Variants in UST observed in about 807,000 individuals in gnomAD.
UST encodes chondroitin sulfate 2-O-sulfotransferase.
In UST, 21 loss-of-function variants were observed where a neutral mutation model predicts 45.6. That is an observed-to-expected ratio of 0.46 (90% confidence interval 0.33 to 0.66). UST has a LOEUF of 0.66. Among genes scored for constraint, UST ranks in the 30% least tolerant of loss-of-function variants. The pLI is 0.02. For missense variants in UST, 463 were observed against 512.4 expected (o/e 0.90, Z 0.93); for synonymous variants, 215 against 200.6 (o/e 1.07, Z -0.61).
chr6:149,045,897 C>A (rs887911481), intron 7 of UST, among the ~76,000 whole-genome samples: 1 of 152,116 alleles, frequency 6.6e-6, no homozygotes, highest in African/African-American at 2.4e-5. Flanking sequence ...TCAATTATAC[C>A]TTAAAAAAAG....
intron 4 of UST, among the ~76,000 whole-genome samples, chr6:148,960,779 T>A (rs916836981): frequency 2.0e-5 from 3 of 152,214 alleles, no homozygotes; most frequent in Non-Finnish European, 4.4e-5. Flanking sequence ...ATCACAGTAA[T>A]CTCTACTATA....
At chr6:148,989,910 C>G (rs1781315324) in intron 5 of UST, among the ~76,000 whole-genome samples, 1 of 152,182 alleles carries the variant, frequency 6.6e-6, no homozygotes, top group African/African-American at 2.4e-5. Flanking sequence ...CATCCCTCCC[C>G]ATTTGGAATT....
intron 5 of UST, among the ~76,000 whole-genome samples, chr6:148,986,735 C>T (rs1781244783): frequency 6.6e-6 from 1 of 152,214 alleles, no homozygotes; most frequent in South Asian, 2.1e-4. Flanking sequence ...CCTGAAACCA[C>T]CCTCCTCCTC....
At chr6:149,002,230 TA>T (rs1471532550) in intron 5 of UST, among the ~76,000 whole-genome samples, 2 of 151,844 alleles carry the variant, frequency 1.3e-5, no homozygotes, top group African/African-American at 4.8e-5. Flanking sequence ...GGGATATTAT[TA>T]AAAACTCTAT....
intron 5 of UST, among the ~76,000 whole-genome samples, chr6:148,994,793 A>C (rs1293336465): frequency 6.7e-6 from 1 of 150,324 alleles, no homozygotes; most frequent in African/African-American, 2.5e-5. Context: ...TGCCCTGCTC[A>C]CTGCAGTTTC....
chr6:148,916,922 C>T (rs1292205811), intron 2 of UST, among the ~76,000 whole-genome samples: 2 of 152,258 alleles, frequency 1.3e-5, no homozygotes, highest in African/African-American at 2.4e-5. Flanking sequence ...TCCTGCCTTG[C>T]TCATCACGTT....
intron 4 of UST, among the ~76,000 whole-genome samples, chr6:148,955,428 T>C (rs1780472235): frequency 6.6e-6 from 1 of 152,262 alleles, no homozygotes; most frequent in Non-Finnish European, 1.5e-5. Flanking sequence ...AAAGCAAGTG[T>C]TCCCTGAAGT....
chr6:149,035,688 G>A (rs893682150), intron 7 of UST, among the ~76,000 whole-genome samples: 2 of 151,972 alleles, frequency 1.3e-5, no homozygotes, highest in Non-Finnish European at 2.9e-5. Context: ...AGCCCCAGAG[G>A]CAGAGGTTGC....
At chr6:148,954,683 A>G (rs1453792933) in intron 4 of UST, among the ~76,000 whole-genome samples, 1 of 152,180 alleles carries the variant, frequency 6.6e-6, no homozygotes, top group Non-Finnish European at 1.5e-5. Context: ...CTAATGATGC[A>G]TTTCTCAGAA....
At chr6:148,890,707 C>T (rs1012745197) in intron 2 of UST, among the ~76,000 whole-genome samples, 4 of 152,184 alleles carry the variant, frequency 2.6e-5, no homozygotes, top group African/African-American at 9.7e-5. Flanking sequence ...ACAAAGCCCT[C>T]TGATTTTCAC....
chr6:148,950,262 C>T (rs1473562221), intron 3 of UST, among the ~76,000 whole-genome samples: 2 of 152,280 alleles, frequency 1.3e-5, no homozygotes, highest in East Asian at 1.9e-4. Flanking sequence ...TAACAAGTCT[C>T]GGGTGATGCT....
chr6:148,923,653 T>A (rs536682034), intron 2 of UST, among the ~76,000 whole-genome samples: 1 of 152,300 alleles, frequency 6.6e-6, no homozygotes, highest in African/African-American at 2.4e-5. Context: ...ATGCCTGTAA[T>A]CCCAGCACTT....
At chr6:148,985,256 TG>T (rs1216861814) in intron 5 of UST, among the ~76,000 whole-genome samples, 2 of 152,280 alleles carry the variant, frequency 1.3e-5, no homozygotes, top group East Asian at 3.9e-4. Flanking sequence ...AGATCATGTC[TG>T]GAACAATGTT....
chr6:149,043,900 T>G (rs1776361960), intron 7 of UST, among the ~76,000 whole-genome samples: 1 of 152,240 alleles, frequency 6.6e-6, no homozygotes, highest in African/African-American at 2.4e-5. Flanking sequence ...CAACTCAGAA[T>G]CAGTCCCAGT....
chr6:148,804,842 T>C (rs1777117114), intron 1 of UST, among the ~76,000 whole-genome samples: 1 of 149,886 alleles, frequency 6.7e-6, no homozygotes. Context: ...ATATATATAC[T>C]TCATTTTATG....
chr6:149,066,250 T>G (rs1191569924), intron 7 of UST: 1 of 152,176 alleles, frequency 6.6e-6, no homozygotes, highest in Non-Finnish European at 1.5e-5. Context: ...AGAAAGCAGG[T>G]TTTGGTGAGT....
Position 148,922,047 on chromosome 6 carries a change from G to A in UST, c.292-19232G>A, listed in dbSNP as rs569872862. Among the ~76,000 whole-genome samples the A allele has an allele frequency of 1.2e-4, 18 of 152,290 alleles. No homozygotes were observed. The South Asian group carries it at 1.9e-3, about 16-fold the overall frequency. On this transcript the variant is annotated intron_variant, in intron 2 of 7. Coordinates refer to ENST00000367463, the MANE Select transcript of UST (RefSeq NM_005715.3). ...AGAAGAGAGCACTGGAAAGTCTCAT[G>A]GTGGGGAAGAGAGATAAAATGTACA...
At chr6:148,760,623 T>G (rs184865563) in intron 1 of UST, among the ~76,000 whole-genome samples, 1 of 152,072 alleles carries the variant, frequency 6.6e-6, no homozygotes, top group Admixed American at 6.6e-5. Context: ...AGAAGTCATT[T>G]GAAGACACAG....
chr6:149,066,949 C>G (rs1776740805), intron 7 of UST, among the ~76,000 whole-genome samples: 1 of 151,948 alleles, frequency 6.6e-6, no homozygotes, highest in African/African-American at 2.4e-5. Flanking sequence ...AAATGCTACA[C>G]AGGAGAAAAT....
Sources: allele counts gnomAD v4.1 joint callset (sites outside exome capture counted in the v4.1 genomes callset), GRCh38; gene constraint gnomAD v4.1.1; transcripts MANE v1.5; gene names NCBI Gene and HGNC (gene_info 2026-07-23, HGNC 2026-07-21).